Variants in INPP5B observed in about 807,000 individuals in gnomAD.
INPP5B encodes the protein type II inositol 1,4,5-trisphosphate 5-phosphatase.
In INPP5B, 90 loss-of-function variants were observed where a neutral mutation model predicts 118.5. The ratio of observed to expected loss-of-function variants is 0.76; its 90% CI spans 0.64 to 0.90. INPP5B has a LOEUF of 0.90. Among genes scored for constraint, INPP5B ranks in the 40% least tolerant of loss-of-function variants. The pLI is 0.00. For synonymous variants in INPP5B, 385 were observed against 418.9 expected (o/e 0.92, Z 0.99); for missense variants, 984 against 1,125.6 (o/e 0.87, Z 1.80).
At chr1:37,901,723 C>T (rs551888077) in intron 7 of INPP5B, among the ~76,000 whole-genome samples, 2 of 152,252 alleles carry the variant, frequency 1.3e-5, no homozygotes, top group East Asian at 3.9e-4. Context: ...AGCCACAGGG[C>T]GGTCTTCTCG....
At chr1:37,939,372 TAAATA>T (rs1355137887) in intron 6 of INPP5B, among the ~76,000 whole-genome samples, 1 of 150,562 alleles carries the variant, frequency 6.6e-6, no homozygotes, top group East Asian at 2.0e-4. Flanking sequence ...CTCAAAAAAA[TAAATA>T]AAATAAATAA....
chr1:37,888,560 T>C (rs1377184725), intron 9 of INPP5B, among the ~76,000 whole-genome samples: 3 of 152,220 alleles, frequency 2.0e-5, no homozygotes, highest in Non-Finnish European at 1.5e-5. Context: ...CTTCAAATAG[T>C]ATAGGCCTAC....
intron 7 of INPP5B, among the ~76,000 whole-genome samples, chr1:37,896,367 G>A (rs1227083511): frequency 1.9e-4 from 28 of 150,990 alleles, no homozygotes; most frequent in South Asian, 1.0e-3. Context: ...CAGCCGCCCC[G>A]TCTGAGAAGT....
chr1:37,918,046 T>C (rs1294128817), intron 7 of INPP5B, among the ~76,000 whole-genome samples: 1 of 152,180 alleles, frequency 6.6e-6, no homozygotes, highest in Non-Finnish European at 1.5e-5. Context: ...GCACCATCAT[T>C]CTTCCTATCA....
chr1:37,892,330 C>T (rs958331255), intron 7 of INPP5B, among the ~76,000 whole-genome samples: 5 of 152,192 alleles, frequency 3.3e-5, no homozygotes, highest in Non-Finnish European at 7.3e-5. Flanking sequence ...AAATGAGAAG[C>T]GCTTGTCATT....
At chr1:37,909,491 A>T (rs1644612614) in intron 7 of INPP5B, among the ~76,000 whole-genome samples, 1 of 152,044 alleles carries the variant, frequency 6.6e-6, no homozygotes, top group Admixed American at 6.6e-5. Flanking sequence ...AGGTGGCTGG[A>T]GCTGAAGGCA....
At chr1:37,878,714 A>C (rs1642996152) in intron 15 of INPP5B, among the ~76,000 whole-genome samples, 1 of 151,726 alleles carries the variant, frequency 6.6e-6, no homozygotes, top group Non-Finnish European at 1.5e-5. Flanking sequence ...CAGTGGTGTG[A>C]TCTCAGCTCA....
At chr1:37,941,860 C>T (rs1168629587) in intron 5 of INPP5B, among the ~76,000 whole-genome samples, 2 of 126,586 alleles carry the variant, frequency 1.6e-5, no homozygotes, top group Non-Finnish European at 3.4e-5. Context: ...ATGGCGTGAA[C>T]CCGGGAGGCG....
At chr1:37,891,599 A>AC (rs1234170326) in intron 7 of INPP5B, 145 bp from the exon 8 acceptor site, 1 of 545,936 alleles carries the variant, frequency 1.8e-6, no homozygotes, top group African/African-American at 1.9e-5. Context: ...ACATGGAGAA[A>AC]CCCCGTCTCT....
At chr1:37,874,573 A>G (rs1218298848) in intron 17 of INPP5B, among the ~76,000 whole-genome samples, 1 of 152,166 alleles carries the variant, frequency 6.6e-6, no homozygotes, top group African/African-American at 2.4e-5. Context: ...CGAGACGGGC[A>G]GATCACTTGA....
intron 7 of INPP5B, among the ~76,000 whole-genome samples, chr1:37,896,577 C>T (rs1435999459): frequency 6.8e-6 from 1 of 146,582 alleles, no homozygotes; most frequent in Middle Eastern, 3.4e-3. Flanking sequence ...CCCGGCCAGC[C>T]GCTCCGTCCG....
At chr1:37,874,228 C>T in intron 17 of INPP5B, 73 bp from the exon 18 acceptor site, 1 of 1,111,172 alleles carries the variant, frequency 9.0e-7, no homozygotes, top group Non-Finnish European at 1.2e-6. Flanking sequence ...CCCAACTGGG[C>T]AGTCCTTACC....
intron 6 of INPP5B, among the ~76,000 whole-genome samples, chr1:37,939,144 A>C (rs1308705070): frequency 1.3e-5 from 2 of 150,516 alleles, no homozygotes; most frequent in African/African-American, 4.9e-5. Context: ...CAGCGAGCCA[A>C]GGTCGTACCA....
intron 9 of INPP5B, 40 bp from the exon 10 acceptor site, chr1:37,888,384 ATGGAG>A: frequency 6.9e-6 from 9 of 1,307,470 alleles, no homozygotes; most frequent in Non-Finnish European, 9.4e-6. Flanking sequence ...CCGAATCACT[ATGGAG>A]ATAACAGGAG....
intron 7 of INPP5B, among the ~76,000 whole-genome samples, chr1:37,896,178 T>G (rs1326978886): frequency 7.6e-6 from 1 of 132,330 alleles, no homozygotes; most frequent in South Asian, 2.6e-4. Flanking sequence ...CCGTCCGGGA[T>G]GTGAGGAGCG....
At chr1:37,929,092 T>C (rs751442549) in intron 7 of INPP5B, 1 of 152,118 alleles carries the variant, frequency 6.6e-6, no homozygotes, top group Non-Finnish European at 1.5e-5. Flanking sequence ...ACCCAGTCAC[T>C]TACTGTAGGT....
At chr1:37,925,087 C>T (rs1394684561) in intron 7 of INPP5B, among the ~76,000 whole-genome samples, 3 of 152,020 alleles carry the variant, frequency 2.0e-5, no homozygotes. Context: ...GGCAGGAGAA[C>T]TGCTTAAACC....
At chr1:37,887,153 A>G in intron 11 of INPP5B, 149 bp from the exon 12 acceptor site, 1 of 761,710 alleles carries the variant, frequency 1.3e-6, no homozygotes, top group East Asian at 2.6e-5. Context: ...TTCACCAAGC[A>G]TGCTATGTGC....
chr1:37,917,308 T>TTATATACATATATATATATATATATA (rs1553159486), intron 7 of INPP5B, among the ~76,000 whole-genome samples: 4 of 92,802 alleles, frequency 4.3e-5, no homozygotes, highest in East Asian at 6.8e-4. Context: ...AAAAAAATAA[T>TTATATACATATATATATATATATATA]TATATATATA....
Sources: gnomAD v4.1 joint callset for allele counts (sites outside exome capture counted in the v4.1 genomes callset) on GRCh38, gnomAD v4.1.1 for gene constraint, MANE v1.5 for transcripts, NCBI Gene and HGNC (gene_info 2026-07-23, HGNC 2026-07-21) for gene names.